The following CHRDL1 variants were observed in gnomAD, a reference collection of about 807,000 sequenced individuals.
CHRDL1 encodes the protein chordin-like protein 1.
In CHRDL1, 19 loss-of-function variants were observed where a neutral mutation model predicts 40.9. The observed-to-expected ratio is 0.46, with a 90% CI of 0.32 to 0.68. The LOEUF (loss-of-function observed/expected upper bound fraction) is 0.68, where lower values mean the gene tolerates loss of function less well. CHRDL1 is among the 30% of genes least tolerant of loss of function. The pLI is 0.03. For synonymous variants in CHRDL1, 136 were observed against 123.4 expected (o/e 1.10, Z -0.68); for missense variants, 329 against 352.1 (o/e 0.93, Z 0.53).
At chrX:110,676,600 A>G (rs1205627580) in intron 11 of CHRDL1, among the ~76,000 whole-genome samples, 1 of 111,842 alleles carries the variant, frequency 8.9e-6, no homozygotes, top group African/African-American at 3.3e-5. Flanking sequence ...AATCCCAAGA[A>G]TAATATAGAA....
intron 4 of CHRDL1, among the ~76,000 whole-genome samples, chrX:110,725,478 C>CAA (rs1267673679): frequency 9.1e-6 from 1 of 109,771 alleles, no homozygotes; most frequent in Non-Finnish European, 1.9e-5. Context: ...TCCTTCAGAG[C>CAA]AACTGGCAAA....
chrX:110,721,011 CTAGA>C (rs1294680167), intron 5 of CHRDL1, among the ~76,000 whole-genome samples: 3 of 111,743 alleles, frequency 2.7e-5, no homozygotes, highest in African/African-American at 9.8e-5. Context: ...GTGAGTGGCC[CTAGA>C]TAGTCAAAGT....
At chrX:110,766,141 C>T (rs1205922024) in intron 2 of CHRDL1, among the ~76,000 whole-genome samples, 2 of 111,498 alleles carry the variant, frequency 1.8e-5, no homozygotes, top group Admixed American at 1.9e-4. Flanking sequence ...AAAAATTCTT[C>T]AAACTGAATG....
intron 4 of CHRDL1, among the ~76,000 whole-genome samples, chrX:110,758,367 T>C (rs2089496501): frequency 9.0e-6 from 1 of 111,158 alleles, no homozygotes; most frequent in African/African-American, 3.3e-5. Flanking sequence ...TCTCAAAGCA[T>C]ATACTATCAG....
At chrX:110,788,318 C>G (rs1157758855) in intron 2 of CHRDL1, among the ~76,000 whole-genome samples, 1 of 111,985 alleles carries the variant, frequency 8.9e-6, no homozygotes, top group Non-Finnish European at 1.9e-5. Context: ...TTGTGATGAG[C>G]TTTCCACAAA....
At chrX:110,721,719 ATCCATCCATCCATCCATCCG>A (rs1443648429) in intron 4 of CHRDL1, among the ~76,000 whole-genome samples, 189 bp from the exon 5 acceptor site, 2 of 111,789 alleles carry the variant, frequency 1.8e-5, no homozygotes, top group Admixed American at 9.4e-5. Context: ...TGATCTATCC[ATCCATCCATCCATCCATCCG>A]TCCATCCATC....
At chrX:110,698,737 A>T (rs1181553788) in intron 7 of CHRDL1, among the ~76,000 whole-genome samples, 1 of 112,579 alleles carries the variant, frequency 8.9e-6, no homozygotes, top group Non-Finnish European at 1.9e-5. Context: ...AATGAAGTCA[A>T]GAAGAAAGGC....
At chrX:110,763,546 TA>T (rs1314905925) in intron 2 of CHRDL1, among the ~76,000 whole-genome samples, 2 of 104,016 alleles carry the variant, frequency 1.9e-5, no homozygotes, top group Non-Finnish European at 3.8e-5. Flanking sequence ...AACATATATA[TA>T]TATATATATA....
chrX:110,679,300 G>T, intron 11 of CHRDL1, 36 bp downstream of exon 11: 1 of 994,236 alleles, frequency 1.0e-6, no homozygotes, highest in Non-Finnish European at 1.4e-6. Context: ...AACTGAATGT[G>T]TTTTTCAGGG....
intron 3 of CHRDL1, among the ~76,000 whole-genome samples, chrX:110,761,296 C>T (rs2148508160): frequency 8.9e-6 from 1 of 111,783 alleles, no homozygotes; most frequent in East Asian, 2.8e-4. Flanking sequence ...CCTCTTAATA[C>T]TGCCTGATGT....
At chrX:110,787,653 C>T (rs1464158827) in intron 2 of CHRDL1, among the ~76,000 whole-genome samples, 2 of 112,102 alleles carry the variant, frequency 1.8e-5, no homozygotes, top group Non-Finnish European at 3.8e-5. Flanking sequence ...CTTCTTCCTT[C>T]CCTTCAATCT....
chrX:110,779,638 T>C (rs745440271), intron 2 of CHRDL1, among the ~76,000 whole-genome samples: 20 of 111,577 alleles, frequency 1.8e-4, no homozygotes, highest in African/African-American at 6.5e-4. Flanking sequence ...AGTGAGTTTG[T>C]TCTCCTTTAA....
chrX:110,762,531 C>A (rs2089584088), intron 3 of CHRDL1, among the ~76,000 whole-genome samples, 164 bp downstream of exon 3: 1 of 111,968 alleles, frequency 8.9e-6, no homozygotes, highest in African/African-American at 3.2e-5. Flanking sequence ...CATGCCTCAG[C>A]CTCACAAAGT....
At chrX:110,793,583 G>A (rs189462326) in intron 1 of CHRDL1, among the ~76,000 whole-genome samples, 1,375 of 111,701 alleles carry the variant, frequency 0.012, 20 homozygotes, top group African/African-American at 0.043. Flanking sequence ...ACGTTTATTC[G>A]AAACAAATCA....
intron 9 of CHRDL1, among the ~76,000 whole-genome samples, chrX:110,683,195 C>T (rs906570274): frequency 2.7e-5 from 3 of 112,065 alleles, no homozygotes; most frequent in African/African-American, 9.8e-5. Flanking sequence ...TTTACTTGAC[C>T]GAAGGGATCT....
At chrX:110,745,425 A>G (rs142519900) in intron 4 of CHRDL1, among the ~76,000 whole-genome samples, 9 of 111,783 alleles carry the variant, frequency 8.1e-5, no homozygotes, top group African/African-American at 2.6e-4. Context: ...GCCTCCATCA[A>G]TCTGACATTT....
In CHRDL1 at chrX:110,783,107, A is replaced by G. The variant is rs778305569; in HGVS notation, c.94+8981T>C. Among the ~76,000 whole-genome samples the G allele has an allele frequency of 8.9e-5, 10 of 112,697 alleles. No individual in the cohort carries two copies. The East Asian group carries it at 2.8e-3, about 31-fold the overall frequency. ...TTACTGACACTGATATTTTTATAGC[A>G]TATCAAAAAAGTAAACATTATAATT... On this transcript the variant is annotated intron_variant, in intron 2 of 11. Coordinates refer to ENST00000372042, the MANE Select transcript of CHRDL1 (RefSeq NM_001143981.2).
intron 6 of CHRDL1, among the ~76,000 whole-genome samples, chrX:110,701,922 A>G (rs1307584789): frequency 8.9e-6 from 1 of 112,182 alleles, no homozygotes; most frequent in Non-Finnish European, 1.9e-5. Flanking sequence ...CGACCTAAAA[A>G]TTAGTTTGAT....
At position 110,675,541 on chromosome X, in the gene CHRDL1, CTTGTTCACAGTTAT is replaced by C. The variant is rs2069754677; in HGVS notation, c.*676_*689del. ...CCACAAAGACCTAAGGGCAGAGCCT[CTTGTTCACAGTTAT>C]TTACTCTCCTGGGCACAAAAACTTC... On this transcript the variant is annotated 3_prime_UTR_variant, in exon 12 of 12. Transcript: ENST00000372042. The C allele has an allele frequency of 8.9e-6, 1 of 111,756 alleles. No individual in the cohort carries two copies. The highest frequency in any genetic ancestry group is 1.9e-5 in the Non-Finnish European group (1 of 53,176). The allele number at this position is 111,756 out of a possible 1,213,427, so 9.2% of individuals were successfully genotyped here.
Sources: gnomAD v4.1 joint callset for allele counts (sites outside exome capture counted in the v4.1 genomes callset) on GRCh38, gnomAD v4.1.1 for gene constraint, MANE v1.5 for transcripts, NCBI Gene and HGNC (gene_info 2026-07-23, HGNC 2026-07-21) for gene names.